Variants in FOXN3 observed in about 807,000 individuals in gnomAD.
FOXN3 encodes the protein forkhead box N3.
FOXN3 carries 7 observed loss-of-function variants against 38.4 expected under a neutral mutation model. That is an observed-to-expected ratio of 0.18 (90% confidence interval 0.10 to 0.34). FOXN3 has a LOEUF of 0.34. Among genes scored for constraint, FOXN3 ranks in the 10% least tolerant of loss-of-function variants. FOXN3 has a pLI of 1.00. For missense variants in FOXN3, 456 were observed against 613.4 expected (o/e 0.74, Z 2.71); for synonymous variants, 230 against 242.2 (o/e 0.95, Z 0.47).
intron 1 of FOXN3, among the ~76,000 whole-genome samples, chr14:89,478,931 CA>C (rs59945805): frequency 0.18 from 9,959 of 54,124 alleles, 587 homozygotes; most frequent in Middle Eastern, 0.35. Flanking sequence ...GACTCCATCT[CA>C]AAAAAAAAAA....
At chr14:89,521,139 G>A (rs182669135) in intron 1 of FOXN3, among the ~76,000 whole-genome samples, 27 of 152,104 alleles carry the variant, frequency 1.8e-4, no homozygotes, top group Non-Finnish European at 2.9e-4. Flanking sequence ...GTGAAACCCC[G>A]TCTCTACTAA....
intron 5 of FOXN3, among the ~76,000 whole-genome samples, chr14:89,171,247 A>T (rs1887381182): frequency 6.6e-6 from 1 of 152,236 alleles, no homozygotes; most frequent in Non-Finnish European, 1.5e-5. Context: ...AGGAAATTTA[A>T]AAACACAAGT....
intron 3 of FOXN3, among the ~76,000 whole-genome samples, chr14:89,341,718 G>A (rs558767849): frequency 2.6e-5 from 4 of 152,204 alleles, no homozygotes; most frequent in South Asian, 4.1e-4. Context: ...ACAAAGTGCC[G>A]CCTGTTGTTT....
chr14:89,286,234 T>C (rs1312266925), intron 3 of FOXN3, among the ~76,000 whole-genome samples: 27 of 151,516 alleles, frequency 1.8e-4, no homozygotes, highest in Non-Finnish European at 2.2e-4. Context: ...AACAGAGAGA[T>C]TGAGATGATA....
At chr14:89,517,424 G>A (rs1376620641) in intron 1 of FOXN3, among the ~76,000 whole-genome samples, 3 of 151,626 alleles carry the variant, frequency 2.0e-5, no homozygotes, top group Admixed American at 6.6e-5. Flanking sequence ...GAAGCACGAT[G>A]GCTTCTGAGA....
chr14:89,355,251 A>G (rs1406057633), intron 2 of FOXN3: 1 of 149,388 alleles, frequency 6.7e-6, no homozygotes, highest in Non-Finnish European at 1.5e-5. Flanking sequence ...GTGGAAATGG[A>G]GTCTCACTCT....
intron 1 of FOXN3, among the ~76,000 whole-genome samples, chr14:89,454,469 T>G (rs919286602): frequency 6.6e-6 from 1 of 152,246 alleles, no homozygotes; most frequent in African/African-American, 2.4e-5. Flanking sequence ...CATTTTGTTA[T>G]AGCAGCCTGA....
intron 4 of FOXN3, among the ~76,000 whole-genome samples, chr14:89,226,885 G>T (rs1187974992): frequency 6.6e-6 from 1 of 152,192 alleles, no homozygotes; most frequent in East Asian, 1.9e-4. Flanking sequence ...CTCAGAGAGA[G>T]ACCTGGAACA....
chr14:89,412,342 C>T lies in FOXN3; in HGVS notation c.135G>A (p.Leu45=). Residue 45 remains leucine (L), a synonymous_variant, in exon 2 of 6, where the codon CTG becomes CTA. Coordinates refer to ENST00000557258, the MANE Select transcript of FOXN3 (RefSeq NM_005197.4). The surrounding 1 kb of genome is among the most constrained non-coding windows in gnomAD (Gnocchi z 4.7). ...CCCCCTCTTCTAATCGGATGTCAGG[C>T]AGAGAAAAGTCGAGGTCATCGTCTT... ...LQEDDDLDFS[L]PDIRLEEGAM... is the part of the protein sequence containing the mutation. 1 of 1,614,110 alleles carries T rather than the reference C, an allele frequency of 6.2e-7. No homozygotes were observed. Among genetic ancestry groups the T allele is most frequent in the Non-Finnish European group, 8.5e-7 (1 of 1,180,018 alleles).
chr14:89,412,582 C>A lies in FOXN3; in HGVS notation c.-14-92G>T, dbSNP rs3825664. Reference sequence around the variant, plus strand: ...CTCTGATCCTGTTGCCTCCCTCTGCCGCCTCTATGGAACCCCTGCTACACA... The same window carrying A: ...CTCTGATCCTGTTGCCTCCCTCTGCAGCCTCTATGGAACCCCTGCTACACA... On this transcript the variant is annotated intron_variant, in intron 1 of 5. Transcript: ENST00000557258. This position sits in a 1 kb window ranked among gnomAD's most constrained non-coding sequence, Gnocchi z 4.7. 0.14 allele frequency: 141,843 copies of A among 1,041,390 alleles called. 11,113 individuals are homozygous for A. Among genetic ancestry groups the A allele is most frequent in the South Asian group, 0.3 (17,774 of 59,564 alleles). 64.5% of individuals were successfully genotyped at this position (1,041,390 alleles called of 1,614,324 possible). A position where few individuals can be genotyped will look rare whatever the true frequency, so the allele number is the denominator to read the frequency against.
chr14:89,488,299 G>A (rs1265255260), intron 1 of FOXN3, among the ~76,000 whole-genome samples: 1 of 151,694 alleles, frequency 6.6e-6, no homozygotes. Flanking sequence ...GTCAGGCTGG[G>A]GGCTCCTCTT....
rs114115374 is a variant in FOXN3, at chr14:89,504,621, A to C, written c.-14-92131T>G. On this transcript the variant is annotated intron_variant, in intron 1 of 6. Transcript: ENST00000345097. ...CAGAACTGCCCATTCCAGGCACCTAAGTCTCTACCACTTCCCCACCAACCA... is the reference window on the plus strand; with the variant it reads ...CAGAACTGCCCATTCCAGGCACCTACGTCTCTACCACTTCCCCACCAACCA... Among the ~76,000 whole-genome samples the C allele has an allele frequency of 1.6e-3, 242 of 152,284 alleles. 1 individual carries two copies. Among genetic ancestry groups the C allele is most frequent in the African/African-American group, 5.6e-3 (232 of 41,554 alleles).
At chr14:89,432,532 G>A (rs886871055) in intron 1 of FOXN3, among the ~76,000 whole-genome samples, 3 of 152,164 alleles carry the variant, frequency 2.0e-5, no homozygotes, top group Non-Finnish European at 4.4e-5. Context: ...CAGGATAGGT[G>A]CTGTCATCCT....
intron 4 of FOXN3, among the ~76,000 whole-genome samples, chr14:89,226,276 G>A (rs899501499): frequency 4.6e-5 from 7 of 152,012 alleles, no homozygotes; most frequent in Non-Finnish European, 1.0e-4. Flanking sequence ...CCAGGCTGGG[G>A]TGCATTTGGT....
chr14:89,405,699 A>G (rs77472882), intron 2 of FOXN3, among the ~76,000 whole-genome samples: 6,150 of 152,182 alleles, frequency 0.04, 187 homozygotes, highest in Non-Finnish European at 0.06. Context: ...GCCCCATCTC[A>G]ACGGTACAAA....
chr14:89,612,009 A>G (rs1896403464), intron 1 of FOXN3, among the ~76,000 whole-genome samples: 1 of 151,520 alleles, frequency 6.6e-6, no homozygotes, highest in African/African-American at 2.4e-5. Context: ...GAAGTCTTCA[A>G]CCCTGGGATA....
At chr14:89,427,323 T>TTTTTG in intron 1 of FOXN3, among the ~76,000 whole-genome samples, 1 of 129,842 alleles carries the variant, frequency 7.7e-6, no homozygotes, top group African/African-American at 2.9e-5. Flanking sequence ...TTTTTTTTTT[T>TTTTTG]GAGATGGAGT....
rs542967040 is a variant in FOXN3, at chr14:89,318,145, T to C, written c.680+32527A>G. Among the ~76,000 whole-genome samples the C allele has an allele frequency of 2.9e-5, 4 of 137,894 alleles. 1 individual carries two copies. The South Asian group carries it at 9.1e-4, about 31-fold the overall frequency. The allele number at this position is 137,894 out of a possible 152,430, so 90.5% of individuals were successfully genotyped here. A position where few individuals can be genotyped will look rare whatever the true frequency, so the allele number is the denominator to read the frequency against. On this transcript the variant is annotated intron_variant, in intron 3 of 5. Coordinates refer to ENST00000557258, the MANE Select transcript of FOXN3 (RefSeq NM_005197.4). ...CCTCCTTCCCTCCCTTTTTCTTTTC[T>C]TTCTTCTTCTTCTTCTCTTTTTTTT...
chr14:89,255,882 C>G (rs1022908530), intron 4 of FOXN3, among the ~76,000 whole-genome samples: 3 of 152,128 alleles, frequency 2.0e-5, no homozygotes, highest in Non-Finnish European at 2.9e-5. Flanking sequence ...CACAGAGACC[C>G]TGCCATTACC....
Sources: allele counts gnomAD v4.1 joint callset (sites outside exome capture counted in the v4.1 genomes callset), GRCh38; gene constraint gnomAD v4.1.1; non-coding constraint Gnocchi (gnomAD v3.1); transcripts MANE v1.5; gene names NCBI Gene and HGNC (gene_info 2026-07-23, HGNC 2026-07-21).